The following RIF1 variants were observed in gnomAD, a reference collection of about 807,000 sequenced individuals.
RIF1 encodes telomere-associated protein RIF1.
In RIF1, 45 loss-of-function variants were observed where a neutral mutation model predicts 247.1. The observed-to-expected ratio is 0.18, with a 90% CI of 0.14 to 0.23. The LOEUF is 0.23. RIF1 is among the 10% of genes least tolerant of loss of function. The probability of loss-of-function intolerance (pLI) is 1.00; values close to 1 mark genes in which losing one functional copy is unlikely to be tolerated. For synonymous variants in RIF1, 1,087 were observed against 978.8 expected, an observed-to-expected ratio of 1.11 and a Z score of -2.06; for missense variants, 2,967 against 2,862.5, an observed-to-expected ratio of 1.04 and a Z score of -0.83.
At chr2:151,411,662 A>T (rs1160467941) in intron 3 of RIF1, among the ~76,000 whole-genome samples, 1 of 152,096 alleles carries the variant, frequency 6.6e-6, no homozygotes, top group African/African-American at 2.4e-5. Flanking sequence ...CAGCCTCCCA[A>T]AGTGTTGGGA....
At chr2:151,522,129 A>C in the RIF1 span, among the ~76,000 whole-genome samples, 11 of 152,342 alleles carry the variant, frequency 7.2e-5, no homozygotes, top group African/African-American at 2.6e-4. Flanking sequence ...TTATGGATGT[A>C]GTATAGGAAA....
intron 8 of RIF1, among the ~76,000 whole-genome samples, chr2:151,428,159 C>G (rs562463012): frequency 6.6e-6 from 1 of 152,232 alleles, no homozygotes; most frequent in Non-Finnish European, 1.5e-5. Flanking sequence ...AACCCAGGAG[C>G]TGGAGGCTGC....
chr2:151,504,561 AC>A (rs1412385665), intron 12 of RIF1, among the ~76,000 whole-genome samples: 1 of 152,220 alleles, frequency 6.6e-6, no homozygotes, highest in Non-Finnish European at 1.5e-5. Flanking sequence ...AATATGAACA[AC>A]CTGCAAGAGA....
Position 151,498,392 on chromosome 2 carries a change from A to AAT in RIF1, c.*514-952_*514-951dup, listed in dbSNP as rs776501970. 30 of 1,427,326 alleles carry AAT rather than the reference A, an allele frequency of 2.1e-5. 1 individual carries two copies. The African/African-American group carries it at 4.1e-4, about 20-fold the overall frequency. 88.4% of individuals were successfully genotyped at this position (1,427,326 alleles called of 1,614,324 possible). A position where few individuals can be genotyped will look rare whatever the true frequency, so the allele number is the denominator to read the frequency against. ...AGCATCCAGAACAAAAAAAGCAATCAATCAGTCATTTTCCCCCTGCTTTGG... is the reference window on the plus strand; with the variant it reads ...AGCATCCAGAACAAAAAAAGCAATCAATATCAGTCATTTTCCCCCTGCTTTGG... On this transcript the variant is annotated intron_variant and NMD_transcript_variant, in intron 10 of 13. Transcript: ENST00000454583.
intron 21 of RIF1, among the ~76,000 whole-genome samples, chr2:151,453,562 A>G (rs1424548015): frequency 2.1e-5 from 3 of 143,928 alleles, no homozygotes; most frequent in Non-Finnish European, 3.0e-5. Flanking sequence ...CCTGGGCAAC[A>G]GAGCTAGACT....
intron 11 of RIF1, among the ~76,000 whole-genome samples, chr2:151,436,355 A>T (rs1691204743): frequency 6.6e-6 from 1 of 152,162 alleles, no homozygotes; most frequent in African/African-American, 2.4e-5. Context: ...CCTGTGCTAC[A>T]TAGTGAGACC....
the RIF1 span, chr2:151,534,173 G>A: frequency 7.1e-7 from 1 of 1,416,444 alleles, no homozygotes; most frequent in Non-Finnish European, 9.9e-7. Flanking sequence ...GAAACTGGGA[G>A]CACAGTCCTG....
rs752270646 is a variant in RIF1, at chr2:151,460,030, A to C, written c.2986A>C (p.Ser996Arg). 9 of 1,558,354 alleles carry C rather than the reference A, an allele frequency of 5.8e-6. No individual in the cohort carries two copies. The African/African-American group carries it at 1.2e-4, about 21-fold the overall frequency. ...AAATTCACAACTAAATGTGAAGATA[A>C]GTGGCATGGAGAGAAAATCAAATGG... ...TENSQLNVKI[S>R]GMERKSNGKR... The change falls in exon 26 of 36, where the codon AGT (serine) becomes CGT (arginine). Residue 996 changes from serine (S) to arginine (R), a missense_variant. Ser to Arg is a moderately radical substitution (Grantham distance 110). Coordinates refer to ENST00000444746, the MANE Select transcript of RIF1 (RefSeq NM_018151.5).
intron 20 of RIF1, among the ~76,000 whole-genome samples, chr2:151,449,806 A>T (rs1042468971): frequency 2.2e-4 from 33 of 148,750 alleles, no homozygotes; most frequent in African/African-American, 7.6e-4. Flanking sequence ...TAAGACTTTG[A>T]TTACTGCCAT....
chr2:151,526,495 T>TA, the RIF1 span, among the ~76,000 whole-genome samples: 5 of 152,208 alleles, frequency 3.3e-5, no homozygotes, highest in African/African-American at 9.7e-5. Flanking sequence ...TAGTCACACT[T>TA]ACGTTCACAG....
intron 10 of RIF1, chr2:151,497,617 C>A (rs1336853245): frequency 1.3e-6 from 2 of 1,561,778 alleles, no homozygotes; most frequent in South Asian, 1.2e-5. Context: ...TCTTTTCTTG[C>A]CAAAGTACCG....
chr2:151,528,005 T>C, the RIF1 span, among the ~76,000 whole-genome samples: 3 of 152,334 alleles, frequency 2.0e-5, no homozygotes, highest in African/African-American at 7.2e-5. Flanking sequence ...ATTAAATGAA[T>C]TATAAAATTT....
In RIF1 at chr2:151,480,477, A is replaced by G. The variant is rs1559045200; in HGVS notation, c.*5406A>G. ...CTATATACTCCTGTATACTTCAGAA[A>G]TAGCTGATAGCCTATAGTCTCTGAG... is the stretch of plus-strand genomic sequence containing the variant. On this transcript the variant is annotated 3_prime_UTR_variant, in exon 36 of 36. Coordinates refer to ENST00000444746, the MANE Select transcript of RIF1 (RefSeq NM_018151.5). 6.6e-6 allele frequency: 1 copy of G among 152,206 alleles called. No homozygotes were observed. The highest frequency in any genetic ancestry group is 2.4e-5 in the African/African-American group (1 of 41,446). The allele number at this position is 152,206 out of a possible 1,614,324, so 9.4% of individuals were successfully genotyped here.
At chr2:151,496,193 A>G (rs1471376972) in intron 10 of RIF1, 1 of 1,366,886 alleles carries the variant, frequency 7.3e-7, no homozygotes, top group South Asian at 1.3e-5. Flanking sequence ...GTCTTTAAAA[A>G]GTAGGATTAA....
At chr2:151,468,368 G>T in intron 31 of RIF1, 106 bp from the exon 32 acceptor site, 1 of 1,014,426 alleles carries the variant, frequency 9.9e-7, no homozygotes, top group Non-Finnish European at 1.5e-6. Flanking sequence ...CTCTTTTTAT[G>T]TTTTTTGAAC....
In RIF1 at chr2:151,477,049, G is replaced by T. The variant is rs554400878; in HGVS notation, c.*1978G>T. 26 of 152,260 alleles carry T rather than the reference G, an allele frequency of 1.7e-4. No homozygotes were observed. Among genetic ancestry groups the T allele is most frequent in the Admixed American group, 1.2e-3 (18 of 15,296 alleles). The allele number at this position is 152,260 out of a possible 1,614,324, so 9.4% of individuals were successfully genotyped here. A position where few individuals can be genotyped will look rare whatever the true frequency, so the allele number is the denominator to read the frequency against. ...ATCACTGAATTTTATATAAGCACAA[G>T]TATTAATTTTAAAAACATTATAGTT... On this transcript the variant is annotated 3_prime_UTR_variant, in exon 36 of 36. Transcript: ENST00000444746.
chr2:151,492,959 G>T (rs1277576101), intron 9 of RIF1: 2 of 187,374 alleles, frequency 1.1e-5, no homozygotes, highest in Non-Finnish European at 2.2e-5. Flanking sequence ...TATATCCAAA[G>T]AAGGCATCCA....
Position 151,454,875 on chromosome 2 carries a change from A to C in RIF1, c.2345-20A>C, listed in dbSNP as rs1401056984. 1.3e-6 allele frequency: 2 copies of C among 1,534,880 alleles called. No individual in the cohort carries two copies. The highest frequency in any genetic ancestry group is 2.2e-5 in the Admixed American group (1 of 44,888). ...TTTCAATTTATTTGAGTTTTTAATTAATTCAGTTTTTGTTTTTAGCACCAC... is the reference window on the plus strand; with the variant it reads ...TTTCAATTTATTTGAGTTTTTAATTCATTCAGTTTTTGTTTTTAGCACCAC... On this transcript the variant is annotated intron_variant, in intron 21 of 35. Transcript: ENST00000444746.
chr2:151,503,061 T>A (rs545974205), exon 12 of RIF1: 38 of 585,976 alleles, frequency 6.5e-5, no homozygotes, highest in African/African-American at 6.4e-4. Context: ...ACAATGCTAA[T>A]TCTGGAAATG....
Sources: gnomAD v4.1 joint callset for allele counts (sites outside exome capture counted in the v4.1 genomes callset) on GRCh38, gnomAD v4.1.1 for gene constraint, MANE v1.5 for transcripts, NCBI Gene and HGNC (gene_info 2026-07-23, HGNC 2026-07-21) for gene names.